CUBN: variants seen among roughly 807,000 people sequenced by gnomAD.
The protein encoded by CUBN is cubilin.
Under a neutral mutation model 405.3 loss-of-function variants are expected in CUBN, and 282 were observed. That is an observed-to-expected ratio of 0.70 (90% CI 0.63 to 0.77). The LOEUF (loss-of-function observed/expected upper bound fraction) is 0.77. Ranked by LOEUF, CUBN falls within the 30% of genes least tolerant of loss-of-function variation. The probability of loss-of-function intolerance (pLI) is 0.00; values close to 1 mark genes in which losing one functional copy is unlikely to be tolerated. For synonymous variants in CUBN, 1,684 were observed against 1,617.0 expected (o/e 1.04, Z -0.99); for missense variants, 4,514 against 4,475.2 (o/e 1.01, Z -0.25).
intron 31 of CUBN, among the ~76,000 whole-genome samples, chr10:16,978,047 TC>T (rs1833150602): frequency 6.6e-6 from 1 of 152,172 alleles, no homozygotes; most frequent in Non-Finnish European, 1.5e-5. Context: ...AATACAAGAT[TC>T]ACTCTCATTA....
chr10:17,035,391 C>G (rs12261591), intron 27 of CUBN, among the ~76,000 whole-genome samples: 1 of 151,994 alleles, frequency 6.6e-6, no homozygotes, highest in Non-Finnish European at 1.5e-5. Context: ...GAGGGAAACA[C>G]GGATGGCATG....
intron 40 of CUBN, 82 bp from the exon 41 acceptor site, chr10:16,928,385 TCA>T: frequency 6.8e-7 from 1 of 1,479,572 alleles, no homozygotes. Flanking sequence ...CCAAAGCAGC[TCA>T]CACATTTTTC....
At chr10:16,883,688 C>A (rs1304440665) in intron 56 of CUBN, among the ~76,000 whole-genome samples, 1 of 152,130 alleles carries the variant, frequency 6.6e-6, no homozygotes, top group Non-Finnish European at 1.5e-5. Context: ...TTCAGTTAAT[C>A]CAAGAGAATT....
At chr10:17,096,105 G>A (rs1836369015) in intron 14 of CUBN, among the ~76,000 whole-genome samples, 1 of 152,084 alleles carries the variant, frequency 6.6e-6, no homozygotes. Flanking sequence ...GAAGCAGAAA[G>A]TAGAATGGTG....
intron 17 of CUBN, among the ~76,000 whole-genome samples, chr10:17,083,189 T>C (rs1018015547): frequency 1.3e-5 from 2 of 152,088 alleles, no homozygotes; most frequent in African/African-American, 4.8e-5. Context: ...TCTGAAATGA[T>C]CTTAAATAAA....
intron 10 of CUBN, among the ~76,000 whole-genome samples, chr10:17,107,982 T>G (rs1310506514): frequency 6.6e-6 from 1 of 152,144 alleles, no homozygotes; most frequent in Non-Finnish European, 1.5e-5. Flanking sequence ...CTGTTGAAGC[T>G]CTGAGTAGAA....
chr10:16,840,580 T>C (rs1244067281), intron 61 of CUBN, 45 bp from the exon 62 acceptor site: 4 of 1,458,468 alleles, frequency 2.7e-6, no homozygotes, highest in Non-Finnish European at 2.8e-6. Flanking sequence ...TTTATTCATG[T>C]CTCATCTCAG....
chr10:16,834,889 T>C (rs1041298849), intron 64 of CUBN, 125 bp downstream of exon 64: 4 of 1,055,038 alleles, frequency 3.8e-6, no homozygotes, highest in African/African-American at 1.6e-5. Flanking sequence ...GAAAGGGTAA[T>C]GAATAAATTA....
At chr10:16,900,461 C>A (rs983771757) in intron 53 of CUBN, among the ~76,000 whole-genome samples, 164 bp downstream of exon 53, 1 of 152,188 alleles carries the variant, frequency 6.6e-6, no homozygotes, top group African/African-American at 2.4e-5. Flanking sequence ...AATAGAGATG[C>A]CAGGTATTGA....
At chr10:16,984,680 G>T (rs1271307689) in intron 29 of CUBN, among the ~76,000 whole-genome samples, 2 of 152,244 alleles carry the variant, frequency 1.3e-5, no homozygotes, top group African/African-American at 4.8e-5. Context: ...TTTAAAAAAA[G>T]AAATGTCTGA....
chr10:17,105,818 G>C (rs1420153441), intron 10 of CUBN, among the ~76,000 whole-genome samples: 1 of 152,116 alleles, frequency 6.6e-6, no homozygotes, highest in African/African-American at 2.4e-5. Context: ...GGTTGACATG[G>C]GTGCTGTCAG....
intron 27 of CUBN, among the ~76,000 whole-genome samples, chr10:17,036,331 A>C (rs566501288): frequency 6.6e-6 from 1 of 152,318 alleles, no homozygotes; most frequent in East Asian, 1.9e-4. Context: ...GCTGAAACTC[A>C]GAGGAAGCCT....
intron 31 of CUBN, among the ~76,000 whole-genome samples, chr10:16,957,895 CAAA>C (rs61261595): frequency 1.5e-5 from 2 of 133,824 alleles, no homozygotes; most frequent in Non-Finnish European, 1.6e-5. Context: ...ATAGACTTCT[CAAA>C]AAAAAAAAAA....
At chr10:17,061,866 G>A (rs1835511736) in intron 22 of CUBN, among the ~76,000 whole-genome samples, 1 of 152,140 alleles carries the variant, frequency 6.6e-6, no homozygotes. Flanking sequence ...AGCTAACCTA[G>A]ACATGGCAAA....
intron 22 of CUBN, among the ~76,000 whole-genome samples, chr10:17,055,324 A>G (rs1835366390): frequency 6.6e-6 from 1 of 152,094 alleles, no homozygotes; most frequent in Admixed American, 6.5e-5. Context: ...TAAGTGGTAA[A>G]GGACTAAACG....
At chr10:16,950,816 C>G (rs1230168236) in intron 33 of CUBN, among the ~76,000 whole-genome samples, 1 of 152,162 alleles carries the variant, frequency 6.6e-6, no homozygotes, top group Non-Finnish European at 1.5e-5. Flanking sequence ...TTTTATATCA[C>G]CATTGCTGTG....
At chr10:16,919,836 A>C in intron 44 of CUBN, 127 bp downstream of exon 44, 1 of 1,042,830 alleles carries the variant, frequency 9.6e-7, no homozygotes, top group East Asian at 2.6e-5. Flanking sequence ...TGAGCCATTA[A>C]GCATTTCCCT....
rs752549739 is a variant in CUBN, at chr10:16,840,988, T to A, written c.9723A>T (p.Val3241=). 6.2e-7 allele frequency: 1 copy of A among 1,613,986 alleles called. No homozygotes were observed. The highest frequency in any genetic ancestry group is 1.3e-5 in the African/African-American group (1 of 74,924). ...NLAGTFCGST[V]PAPFISSGNF... ...TACCAGAAGAGATAAAAGGAGCAGG[T>A]ACTGTGGAACCACAAAACGTTCCAG... Residue 3241 remains valine, a synonymous_variant, in exon 61 of 67, where the codon GTA becomes GTT. Coordinates refer to ENST00000377833, the MANE Select transcript of CUBN (RefSeq NM_001081.4).
intron 6 of CUBN, chr10:17,122,079 A>C (rs969824387): frequency 2.0e-5 from 3 of 152,432 alleles, no homozygotes; most frequent in African/African-American, 7.2e-5. Context: ...GGCATCAGCA[A>C]AGCTTTGACG....
Sources: gnomAD v4.1 joint callset for allele counts (sites outside exome capture counted in the v4.1 genomes callset) on GRCh38, gnomAD v4.1.1 for gene constraint, MANE v1.5 for transcripts, NCBI Gene and HGNC (gene_info 2026-07-23, HGNC 2026-07-21) for gene names.